CCDC68: variants seen among roughly 807,000 people sequenced by gnomAD.
CCDC68 encodes the protein coiled-coil domain-containing protein 68.
CCDC68 carries 45 observed loss-of-function variants against 47.1 expected under a neutral mutation model. That is an observed-to-expected ratio of 0.96 (90% CI 0.75 to 1.23). The LOEUF (loss-of-function observed/expected upper bound fraction) is 1.23. CCDC68 is among the 50% of genes most tolerant of loss of function. The pLI, the probability that CCDC68 is intolerant of heterozygous loss-of-function variation, is 0.00. For synonymous variants in CCDC68, 131 were observed against 129.5 expected (o/e 1.01, Z -0.08); for missense variants, 353 against 373.6 (o/e 0.94, Z 0.45).
intron 3 of CCDC68, among the ~76,000 whole-genome samples, chr18:54,942,152 A>G (rs2044449072): frequency 6.6e-6 from 1 of 152,186 alleles, no homozygotes; most frequent in Non-Finnish European, 1.5e-5. Context: ...AACAGTTAAG[A>G]ATATATATTT....
intron 11 of CCDC68, among the ~76,000 whole-genome samples, chr18:54,906,206 A>G (rs914931161): frequency 6.6e-6 from 1 of 151,992 alleles, no homozygotes; most frequent in Non-Finnish European, 1.5e-5. Context: ...AAGGTTGGGG[A>G]CTGCTGCTTT....
At chr18:54,944,016 C>T (rs2044480073) in intron 2 of CCDC68, among the ~76,000 whole-genome samples, 1 of 151,870 alleles carries the variant, frequency 6.6e-6, no homozygotes, top group African/African-American at 2.4e-5. Flanking sequence ...ATTAGCTGGG[C>T]ATGGTGCACA....
chr18:54,931,459 T>G (rs190083814), intron 7 of CCDC68, among the ~76,000 whole-genome samples: 13 of 152,306 alleles, frequency 8.5e-5, no homozygotes, highest in Admixed American at 4.6e-4. Context: ...CATCTAAATG[T>G]TTTGGAACCA....
intron 8 of CCDC68, among the ~76,000 whole-genome samples, chr18:54,924,065 A>G (rs2145456999): frequency 6.6e-6 from 1 of 152,308 alleles, no homozygotes; most frequent in East Asian, 1.9e-4. Flanking sequence ...TCAAGCCTAA[A>G]AAAAGGAGGC....
intron 7 of CCDC68, among the ~76,000 whole-genome samples, chr18:54,931,602 G>A (rs1361940089): frequency 6.6e-6 from 1 of 152,208 alleles, no homozygotes; most frequent in Admixed American, 6.5e-5. Context: ...TGAGGAACTA[G>A]GTGGTCTCAA....
At chr18:54,950,894 T>G in intron 1 of CCDC68, among the ~76,000 whole-genome samples, 2 of 116,294 alleles carry the variant, frequency 1.7e-5, no homozygotes, top group Non-Finnish European at 3.4e-5. Context: ...CAAATTCAGA[T>G]GTCTTTTTTT....
intron 8 of CCDC68, among the ~76,000 whole-genome samples, chr18:54,925,047 C>T (rs2044123236): frequency 6.6e-6 from 1 of 152,076 alleles, no homozygotes; most frequent in Non-Finnish European, 1.5e-5. Context: ...TTCTTTCTGG[C>T]TTTATAGATA....
intron 2 of CCDC68, among the ~76,000 whole-genome samples, chr18:54,943,784 G>A (rs963003676): frequency 6.6e-6 from 1 of 152,090 alleles, no homozygotes; most frequent in East Asian, 1.9e-4. Flanking sequence ...AAAGCCAACA[G>A]GTAATTGTGT....
rs1240125020 is a variant in CCDC68 at position 54,903,361 on chromosome 18, T to C, written c.*997A>G. 1 of 152,178 alleles carries C rather than the reference T, an allele frequency of 6.6e-6. No homozygotes were observed. Among genetic ancestry groups the C allele is most frequent in the Admixed American group, 6.5e-5 (1 of 15,276 alleles). The allele number at this position is 152,178 out of a possible 1,614,324, so 9.4% of individuals were successfully genotyped here. The stretch of plus-strand genomic sequence containing the variant: ...TTCTGCAAGTCAGAATTTGTTCTAT[T>C]CACTGCAATCACAAACTCCACCTAC... On this transcript the variant is annotated 3_prime_UTR_variant, in exon 12 of 12. Coordinates refer to ENST00000591504, the MANE Select transcript of CCDC68 (RefSeq NM_025214.3).
At chr18:54,958,992 T>C (rs967324372) in intron 1 of CCDC68, among the ~76,000 whole-genome samples, 1 of 152,294 alleles carries the variant, frequency 6.6e-6, no homozygotes, top group Admixed American at 6.5e-5. Flanking sequence ...CCATAGCCTC[T>C]GAAATTAGCA....
At chr18:54,939,236 T>C (rs1303667155) in intron 4 of CCDC68, among the ~76,000 whole-genome samples, 2 of 152,122 alleles carry the variant, frequency 1.3e-5, no homozygotes, top group African/African-American at 2.4e-5. Context: ...ACTCTTCATA[T>C]ACAGAGTAGG....
intron 7 of CCDC68, among the ~76,000 whole-genome samples, chr18:54,930,593 T>TCCTTCCTTCCTTCCTTCCTTC (rs1164376727): frequency 7.8e-6 from 1 of 128,600 alleles, no homozygotes; most frequent in African/African-American, 3.1e-5. Flanking sequence ...CTCACTCCCT[T>TCCTTCCTTCCTTCCTTCCTTC]CCTTCCTTCC....
chr18:54,946,753 A>C (rs2044534652), intron 1 of CCDC68, among the ~76,000 whole-genome samples: 1 of 152,182 alleles, frequency 6.6e-6, no homozygotes, highest in Admixed American at 6.5e-5. Context: ...GGGCCACCTT[A>C]AACAAGTTAC....
At chr18:54,937,714 C>T in intron 5 of CCDC68, 1 of 332,302 alleles carries the variant, frequency 3.0e-6, no homozygotes, top group South Asian at 4.5e-5. Flanking sequence ...TCTTGCATGA[C>T]TGAAATTGTA....
chr18:54,942,435 C>T (rs1026296694), intron 3 of CCDC68, among the ~76,000 whole-genome samples: 1 of 152,152 alleles, frequency 6.6e-6, no homozygotes, highest in Non-Finnish European at 1.5e-5. Context: ...CCTCCTGGCC[C>T]ATTATTCAAT....
chr18:54,924,693 TAGA>T (rs1440266810), intron 8 of CCDC68, among the ~76,000 whole-genome samples: 2 of 152,172 alleles, frequency 1.3e-5, no homozygotes, highest in Non-Finnish European at 2.9e-5. Flanking sequence ...GGGATGATCA[TAGA>T]AGAAGCACTT....
In CCDC68 at chr18:54,940,705, GC is replaced by G. The variant is rs568364769; in HGVS notation, c.204+291del. Among the ~76,000 whole-genome samples, 75 of 152,342 alleles carry G rather than the reference GC, an allele frequency of 4.9e-4. 1 individual carries two copies. Among genetic ancestry groups the G allele is most frequent in the African/African-American group, 1.7e-3 (71 of 41,578 alleles). ...TGGCCCACGTGAGTCTAAAAGCTCT[GC>G]CTGTCATTGGGAAATGTTGCTGTCA... On this transcript the variant is annotated intron_variant, in intron 4 of 11. Coordinates refer to ENST00000591504, the MANE Select transcript of CCDC68 (RefSeq NM_025214.3).
intron 7 of CCDC68, 95 bp from the exon 8 acceptor site, chr18:54,928,977 G>T: frequency 1.4e-6 from 1 of 708,946 alleles, no homozygotes; most frequent in South Asian, 1.7e-5. Context: ...TTGAGCTAAA[G>T]AGTTAATTTC....
rs1468420043 is a variant in CCDC68 at position 54,934,710 on chromosome 18, C to T, written c.600+110G>A. The T allele has an allele frequency of 6.2e-6, 5 of 804,034 alleles. No individual in the cohort carries two copies. In the African/African-American group the frequency reaches 9.0e-5, roughly 15 times the overall value. 49.8% of individuals were successfully genotyped at this position (804,034 alleles called of 1,614,324 possible). On this transcript the variant is annotated intron_variant, in intron 7 of 11. Transcript: ENST00000591504. ...CCAAGAATTGTAAAGAATACTTTCACATAATATTATCTTATTTAATTTAAT... is the reference window on the plus strand; with the variant it reads ...CCAAGAATTGTAAAGAATACTTTCATATAATATTATCTTATTTAATTTAAT...
Sources: gnomAD v4.1 joint callset for allele counts (sites outside exome capture counted in the v4.1 genomes callset) on GRCh38, gnomAD v4.1.1 for gene constraint, MANE v1.5 for transcripts, NCBI Gene and HGNC (gene_info 2026-07-23, HGNC 2026-07-21) for gene names.